The following ADGRV1 variants were observed in gnomAD, a reference collection of about 807,000 sequenced individuals.
ADGRV1 encodes the protein adhesion G protein-coupled receptor V1.
ADGRV1 carries 359 observed loss-of-function variants against 596.2 expected under a neutral mutation model. The observed-to-expected ratio is 0.60, with a 90% CI of 0.55 to 0.66. ADGRV1 has a LOEUF of 0.66. Among genes scored for constraint, ADGRV1 ranks in the 30% least tolerant of loss-of-function variants. ADGRV1 has a pLI of 0.00. For synonymous variants in ADGRV1, 2,681 were observed against 2,679.2 expected, an observed-to-expected ratio of 1.00 and a Z score of -0.02; for missense variants, 7,274 against 7,575.6, an observed-to-expected ratio of 0.96 and a Z score of 1.48.
chr5:91,073,776 C>A (rs957254936), intron 86 of ADGRV1, among the ~76,000 whole-genome samples: 5 of 152,210 alleles, frequency 3.3e-5, no homozygotes, highest in Admixed American at 3.3e-4. Context: ...TGGCTCACGG[C>A]AGCCTCTGCC....
At position 90,745,761 on chromosome 5, in the gene ADGRV1, A is replaced by G; in HGVS notation, c.10940A>G (p.Asn3647Ser). 1.9e-6 allele frequency: 3 copies of G among 1,610,396 alleles called. No homozygotes were observed. Among genetic ancestry groups the G allele is most frequent in the Non-Finnish European group, 2.5e-6 (3 of 1,177,386 alleles). Reference protein sequence around the residue: ...NDSVTITILSNDDAYGIVAFA... With the variant: ...NDSVTITILSSDDAYGIVAFA... ...TCTGTAACAATAACCATTCTGTCTA[A>G]TGATGATGCCTATGGAATTGTTGCA... Residue 3647 changes from asparagine to serine, a missense_variant, in exon 52 of 90, where the codon AAT becomes AGT. This residue lies in a region of ADGRV1 where 3,643 missense variants were observed against 3,809.2 expected (regional missense o/e 0.96). Coordinates refer to ENST00000405460, the MANE Select transcript of ADGRV1 (RefSeq NM_032119.4).
chr5:91,149,846 AAAAG>A (rs1795875394), intron 87 of ADGRV1, among the ~76,000 whole-genome samples, 180 bp from the exon 88 acceptor site: 1 of 150,452 alleles, frequency 6.6e-6, no homozygotes, highest in South Asian at 2.1e-4. Flanking sequence ...AAAAAAAAAA[AAAAG>A]AGAAAGAAAA....
chr5:90,925,238 C>T (rs1364601697), intron 83 of ADGRV1, among the ~76,000 whole-genome samples: 6 of 151,770 alleles, frequency 4.0e-5, no homozygotes, highest in East Asian at 1.9e-4. Context: ...GCCATTTTCA[C>T]GATATTGATT....
chr5:90,611,802 TA>T (rs1263053364), intron 1 of ADGRV1, among the ~76,000 whole-genome samples: 2 of 151,858 alleles, frequency 1.3e-5, no homozygotes, highest in Non-Finnish European at 2.9e-5. Context: ...GAGTTTAATT[TA>T]AAAAAAGGGA....
intron 87 of ADGRV1, among the ~76,000 whole-genome samples, chr5:91,143,354 G>T (rs1285500654): frequency 2.0e-5 from 3 of 152,206 alleles, no homozygotes; most frequent in African/African-American, 7.2e-5. Flanking sequence ...CTGCCATTAG[G>T]CAGGTTCCAA....
chr5:91,015,506 C>T (rs556592435), intron 85 of ADGRV1, among the ~76,000 whole-genome samples: 21 of 151,966 alleles, frequency 1.4e-4, no homozygotes, highest in South Asian at 1.0e-3. Flanking sequence ...TATTGTTGTG[C>T]GGGAGTCTAT....
chr5:90,761,495 G>A (rs1254350602), intron 58 of ADGRV1, among the ~76,000 whole-genome samples: 5 of 152,122 alleles, frequency 3.3e-5, no homozygotes, highest in Non-Finnish European at 2.9e-5. Context: ...TCACAATAAC[G>A]TTTTTCATCA....
intron 1 of ADGRV1, among the ~76,000 whole-genome samples, chr5:90,571,975 T>G (rs1220289666): frequency 6.6e-6 from 1 of 152,170 alleles, no homozygotes; most frequent in African/African-American, 2.4e-5. Context: ...TTTTTGCTAG[T>G]TTTCTCATTA....
rs374372564 is a variant in ADGRV1, at chr5:90,948,066, A to G, written c.17857-17349A>G. On this transcript the variant is annotated intron_variant, in intron 83 of 89. Coordinates refer to ENST00000405460, the MANE Select transcript of ADGRV1 (RefSeq NM_032119.4). ...GAAATGTTTGAGATATACTAAATGA[A>G]TTATGACTTATTCTATGCAGCTACT... is the stretch of plus-strand genomic sequence containing the variant. Among the ~76,000 whole-genome samples the G allele has an allele frequency of 6.6e-5, 10 of 152,196 alleles. No individual in the cohort carries two copies. The South Asian group carries it at 2.1e-3, about 32-fold the overall frequency.
chr5:90,873,868 G>A (rs201316642), intron 83 of ADGRV1, among the ~76,000 whole-genome samples: 1 of 149,114 alleles, frequency 6.7e-6, no homozygotes, highest in Non-Finnish European at 1.5e-5. Context: ...TCTGTTTTTT[G>A]GGTTTATCCC....
chr5:91,076,245 T>C (rs1333753861), intron 86 of ADGRV1, among the ~76,000 whole-genome samples: 1 of 152,198 alleles, frequency 6.6e-6, no homozygotes, highest in African/African-American at 2.4e-5. Context: ...CCTTAGGAAT[T>C]GCCTCTTTAT....
At chr5:90,886,602 A>G (rs1295580049) in intron 83 of ADGRV1, among the ~76,000 whole-genome samples, 1 of 152,092 alleles carries the variant, frequency 6.6e-6, no homozygotes, top group Non-Finnish European at 1.5e-5. Flanking sequence ...ACAAACTTTT[A>G]TCTCCACCGT....
chr5:90,705,486 G>A lies in ADGRV1; in HGVS notation c.8473G>A (p.Val2825Ile), dbSNP rs772882416. Residue 2825 changes from valine (V) to isoleucine (I), a missense_variant, in exon 37 of 90, where the codon GTT becomes ATT. Val to Ile is a conservative substitution (Grantham distance 29). Transcript: ENST00000405460. ...TVEASDEPHG[V>I]LNFALSSRFV... is the part of the protein sequence containing the mutation. ...AGAAGCCAGTGATGAACCACATGGAGTTTTAAATTTTGCTCTTTCATCAAG... is the reference window on the plus strand; with the variant it reads ...AGAAGCCAGTGATGAACCACATGGAATTTTAAATTTTGCTCTTTCATCAAG... The A allele has an allele frequency of 6.2e-7, 1 of 1,613,906 alleles. No individual in the cohort carries two copies. Among genetic ancestry groups the A allele is most frequent in the Non-Finnish European group, 8.5e-7 (1 of 1,179,810 alleles).
At chr5:91,100,792 T>G (rs936056692) in intron 86 of ADGRV1, among the ~76,000 whole-genome samples, 2 of 152,204 alleles carry the variant, frequency 1.3e-5, no homozygotes, top group African/African-American at 4.8e-5. Flanking sequence ...TTGCGTCACC[T>G]TATAGAATGC....
intron 84 of ADGRV1, among the ~76,000 whole-genome samples, chr5:90,973,259 A>G (rs920146740): frequency 3.9e-5 from 6 of 152,246 alleles, no homozygotes; most frequent in African/African-American, 1.2e-4. Context: ...TCACAGTCGA[A>G]TTCTACCAGA....
chr5:90,704,208 C>A (rs1176123789), intron 35 of ADGRV1, among the ~76,000 whole-genome samples, 181 bp from the exon 36 acceptor site: 4 of 152,286 alleles, frequency 2.6e-5, no homozygotes, highest in South Asian at 4.1e-4. Flanking sequence ...TAGCCCCTGT[C>A]TGCTTGGAGC....
chr5:90,993,577 AAAGT>A (rs1466565156), intron 85 of ADGRV1, among the ~76,000 whole-genome samples: 1 of 152,202 alleles, frequency 6.6e-6, no homozygotes, highest in Non-Finnish European at 1.5e-5. Flanking sequence ...ACAGAGTGTT[AAAGT>A]ACAAGTTTTT....
chr5:90,840,540 G>A (rs778985879), intron 77 of ADGRV1, 38 bp from the exon 78 acceptor site: 1 of 1,517,950 alleles, frequency 6.6e-7, no homozygotes, highest in South Asian at 1.3e-5. Flanking sequence ...GATCAGAGGT[G>A]TCATAGATTC....
At chr5:90,892,277 A>G (rs1770897648) in intron 83 of ADGRV1, among the ~76,000 whole-genome samples, 2 of 152,078 alleles carry the variant, frequency 1.3e-5, no homozygotes, top group Admixed American at 1.3e-4. Context: ...GTTCTGTTCT[A>G]GTACTTTCTG....
Sources: gnomAD v4.1 joint callset for allele counts (sites outside exome capture counted in the v4.1 genomes callset) on GRCh38, gnomAD v4.1.1 for gene constraint, gnomAD v4.1.1 regional missense constraint, MANE v1.5 for transcripts, NCBI Gene and HGNC (gene_info 2026-07-23, HGNC 2026-07-21) for gene names.